LPP: variants seen among roughly 807,000 people sequenced by gnomAD.
LPP encodes lipoma-preferred partner.
In LPP, 38 loss-of-function variants were observed where a neutral mutation model predicts 60.4. The ratio of observed to expected loss-of-function variants is 0.63; its 90% CI spans 0.49 to 0.83. The LOEUF (loss-of-function observed/expected upper bound fraction) is 0.83. Ranked by LOEUF, LPP falls within the 40% of genes least tolerant of loss-of-function variation. LPP has a pLI of 0.00. For missense variants in LPP, 902 were observed against 783.6 expected (o/e 1.15, Z -1.80); for synonymous variants, 328 against 290.8 (o/e 1.13, Z -1.30).
intron 2 of LPP, among the ~76,000 whole-genome samples, chr3:188,300,194 G>T (rs1749308048): frequency 6.6e-6 from 1 of 151,754 alleles, no homozygotes; most frequent in Non-Finnish European, 1.5e-5. Flanking sequence ...GAAGGGTTGT[G>T]TGTGTTTATT....
chr3:188,420,077 GT>G (rs201947755), intron 4 of LPP, among the ~76,000 whole-genome samples: 3 of 151,426 alleles, frequency 2.0e-5, no homozygotes, highest in East Asian at 1.9e-4. Context: ...TCTATCCATA[GT>G]TTTTTTTAAA....
chr3:188,228,920 T>A (rs1049199784), intron 2 of LPP, among the ~76,000 whole-genome samples: 9 of 152,188 alleles, frequency 5.9e-5, no homozygotes, highest in Non-Finnish European at 1.0e-4. Context: ...ATTATTACAG[T>A]TGTCTTCTTC....
chr3:188,871,878 T>C (rs1768183366), intron 10 of LPP, among the ~76,000 whole-genome samples: 1 of 152,204 alleles, frequency 6.6e-6, no homozygotes, highest in South Asian at 2.1e-4. Flanking sequence ...ATTAAAAGTA[T>C]TTACCAGCAG....
rs1406381794 is a variant in LPP, at chr3:188,678,121, A to G, written c.1114-30146A>G. On this transcript the variant is annotated intron_variant, in intron 7 of 11. Coordinates refer to ENST00000617246, the MANE Select transcript of LPP (RefSeq NM_001375462.1). The stretch of plus-strand genomic sequence containing the variant: ...AGAAGCAGCAATTCATACTTTCCTT[A>G]TAACTCTTAACACATTGCTTTATAG... 2.0e-5 allele frequency among the ~76,000 whole-genome samples: 3 copies of G among 152,180 alleles called. 1 individual carries two copies. Among genetic ancestry groups the G allele is most frequent in the Admixed American group, 1.3e-4 (2 of 15,272 alleles).
chr3:188,868,599 G>A (rs1767264338), intron 10 of LPP, among the ~76,000 whole-genome samples: 1 of 152,188 alleles, frequency 6.6e-6, no homozygotes, highest in South Asian at 2.1e-4. Flanking sequence ...AGGAAAATAA[G>A]AAACTGTTTT....
chr3:188,300,454 AT>A (rs34492581), intron 2 of LPP, among the ~76,000 whole-genome samples: 4,889 of 125,156 alleles, frequency 0.039, 93 homozygotes, highest in East Asian at 0.12. Context: ...ACACTTGGCC[AT>A]TTTTTTTTTT....
chr3:188,872,655 G>A lies in LPP; in HGVS notation c.1602G>A (p.Pro534=). ...CIEDFHKKFA[P]RCSVCKEPIM... is the part of the protein sequence containing the mutation. ...TCTTCACTTTCAGGAAATTTGCCCC[G>A]CGATGTTCTGTGTGCAAGGAGCCTA... Residue 534 remains proline (P), a synonymous_variant, in exon 11 of 12, where the codon CCG becomes CCA. Coordinates refer to ENST00000617246, the MANE Select transcript of LPP (RefSeq NM_001375462.1). 1.2e-6 allele frequency: 2 copies of A among 1,614,026 alleles called. No homozygotes were observed. Among genetic ancestry groups the A allele is most frequent in the Non-Finnish European group, 1.7e-6 (2 of 1,179,974 alleles).
intron 6 of LPP, among the ~76,000 whole-genome samples, chr3:188,555,533 A>G (rs1375655014): frequency 6.6e-6 from 1 of 152,062 alleles, no homozygotes; most frequent in Non-Finnish European, 1.5e-5. Context: ...TTTCCATTGC[A>G]GCCTCAACAA....
chr3:188,846,553 G>A (rs1577944051), intron 9 of LPP, among the ~76,000 whole-genome samples: 2 of 151,698 alleles, frequency 1.3e-5, no homozygotes, highest in African/African-American at 4.8e-5. Flanking sequence ...GCATGGTGGC[G>A]GGCACCTTTA....
intron 3 of LPP, among the ~76,000 whole-genome samples, chr3:188,342,939 T>A (rs1043723158): frequency 2.6e-5 from 4 of 152,180 alleles, no homozygotes; most frequent in African/African-American, 7.2e-5. Context: ...ACATTGTTTT[T>A]ATTTTTATTA....
At chr3:188,342,978 A>T (rs1326021017) in intron 3 of LPP, among the ~76,000 whole-genome samples, 7 of 152,272 alleles carry the variant, frequency 4.6e-5, no homozygotes, top group African/African-American at 1.7e-4. Context: ...AGTGGAATAT[A>T]AGCTAGTTTA....
At chr3:188,861,427 A>C (rs1327038655) in intron 9 of LPP, among the ~76,000 whole-genome samples, 1 of 152,194 alleles carries the variant, frequency 6.6e-6, no homozygotes, top group African/African-American at 2.4e-5. Context: ...AAATGTTGTT[A>C]ACATTTCCAA....
chr3:188,678,205 C>T (rs571959641), intron 7 of LPP, among the ~76,000 whole-genome samples: 4 of 152,214 alleles, frequency 2.6e-5, no homozygotes, highest in Non-Finnish European at 5.9e-5. Context: ...TCATGCTGCT[C>T]TCTTACAACA....
chr3:188,436,666 A>G (rs916332653), intron 4 of LPP, among the ~76,000 whole-genome samples: 4 of 152,226 alleles, frequency 2.6e-5, no homozygotes, highest in African/African-American at 9.6e-5. Flanking sequence ...GCTTTTGGTG[A>G]GATTTTAAAA....
chr3:188,768,141 A>G (rs185718356), intron 9 of LPP, among the ~76,000 whole-genome samples: 1 of 152,260 alleles, frequency 6.6e-6, no homozygotes, highest in Admixed American at 6.5e-5. Context: ...AACTTGAATA[A>G]ACTCGTAAAG....
At chr3:188,261,925 A>G (rs1733797161) in intron 2 of LPP, among the ~76,000 whole-genome samples, 2 of 152,172 alleles carry the variant, frequency 1.3e-5, no homozygotes, top group Non-Finnish European at 1.5e-5. Context: ...TATAAAACAA[A>G]GACAAAAGCA....
At chr3:188,641,852 C>A (rs551451511) in intron 7 of LPP, among the ~76,000 whole-genome samples, 2 of 152,330 alleles carry the variant, frequency 1.3e-5, no homozygotes, top group African/African-American at 4.8e-5. Context: ...TGACATTCAT[C>A]CTGTTCTGAT....
chr3:188,191,413 C>T (rs1287011520), intron 1 of LPP, among the ~76,000 whole-genome samples: 22 of 152,278 alleles, frequency 1.4e-4, no homozygotes, highest in Non-Finnish European at 1.0e-4. Context: ...CCTCCTTTGC[C>T]ATCTTCAGAA....
chr3:188,689,965 A>T (rs1298444844), intron 7 of LPP, among the ~76,000 whole-genome samples: 1 of 151,064 alleles, frequency 6.6e-6, no homozygotes, highest in African/African-American at 2.4e-5. Context: ...CCAGAATGGG[A>T]TTTTTAAGTT....
Sources: allele counts gnomAD v4.1 joint callset (sites outside exome capture counted in the v4.1 genomes callset), GRCh38; gene constraint gnomAD v4.1.1; transcripts MANE v1.5; gene names NCBI Gene and HGNC (gene_info 2026-07-23, HGNC 2026-07-21).